Variants in ASB9 observed in about 807,000 individuals in gnomAD.
ASB9 encodes the protein ankyrin repeat and SOCS box containing 9, also known as ankyrin repeat and SOCS box protein 9.
In ASB9, 5 loss-of-function variants were observed where a neutral mutation model predicts 16.6. That is an observed-to-expected ratio of 0.30 (90% confidence interval 0.16 to 0.63). The LOEUF (loss-of-function observed/expected upper bound fraction) is 0.63, where lower values mean the gene tolerates loss of function less well. ASB9 is among the 30% of genes least tolerant of loss of function. ASB9 has a pLI of 0.82. For synonymous variants in ASB9, 100 were observed against 86.4 expected (o/e 1.16, Z -0.87); for missense variants, 216 against 229.4 (o/e 0.94, Z 0.38).
At chrX:15,256,286 T>C (rs759400024) in intron 2 of ASB9, among the ~76,000 whole-genome samples, 1 of 106,782 alleles carries the variant, frequency 9.4e-6, no homozygotes, top group East Asian at 3.0e-4. Context: ...CAACAGAGAC[T>C]GCATGGTTCG....
Position 15,269,878 on chromosome X carries a change from G to C in ASB9, c.-4C>G. On this transcript the variant is annotated 5_prime_UTR_variant, in exon 1 of 7. Coordinates refer to ENST00000380488, the MANE Select transcript of ASB9 (RefSeq NM_001031739.3). ...TGCCCCCTTGTTTGCCATCCATGATGCTCTCTCCTAAGCGAGCAAGCTCTG... is the reference window on the plus strand; with the variant it reads ...TGCCCCCTTGTTTGCCATCCATGATCCTCTCTCCTAAGCGAGCAAGCTCTG... The C allele has an allele frequency of 8.4e-7, 1 of 1,196,868 alleles. No individual in the cohort carries two copies. Among genetic ancestry groups the C allele is most frequent in the Non-Finnish European group, 1.1e-6 (1 of 885,928 alleles).
intron 2 of ASB9, among the ~76,000 whole-genome samples, chrX:15,256,350 C>T (rs1925536665): frequency 2.5e-5 from 2 of 79,582 alleles, no homozygotes; most frequent in Non-Finnish European, 4.5e-5. Flanking sequence ...CGATGTCTTG[C>T]TCTGTCGCCG....
chrX:15,245,308 T>C (rs888644909), intron 6 of ASB9, among the ~76,000 whole-genome samples: 1 of 110,947 alleles, frequency 9.0e-6, no homozygotes, highest in Non-Finnish European at 1.9e-5. Context: ...ACATTTTTGG[T>C]TGCCAAAACT....
At chrX:15,255,021 G>A (rs1925426964) in intron 2 of ASB9, among the ~76,000 whole-genome samples, 177 bp from the exon 3 acceptor site, 1 of 110,822 alleles carries the variant, frequency 9.0e-6, no homozygotes, top group Admixed American at 9.6e-5. Context: ...GTGGGAGTGT[G>A]GTATGGTATA....
chrX:15,261,762 G>A (rs1448628995), intron 1 of ASB9, among the ~76,000 whole-genome samples: 1 of 112,356 alleles, frequency 8.9e-6, no homozygotes, highest in East Asian at 2.8e-4. Context: ...AATATCTCTA[G>A]CTAGCTAGCT....
intron 1 of ASB9, among the ~76,000 whole-genome samples, chrX:15,267,482 C>T (rs866107527): frequency 1.8e-4 from 16 of 90,932 alleles, no homozygotes; most frequent in African/African-American, 6.3e-4. Context: ...TGGTGGCTCA[C>T]GCCTGTAATC....
At chrX:15,253,989 TTGTACC>T (rs1925341022) in intron 3 of ASB9, among the ~76,000 whole-genome samples, 1 of 111,852 alleles carries the variant, frequency 8.9e-6, no homozygotes, top group African/African-American at 3.3e-5. Context: ...TCTTTCAAGT[TTGTACC>T]CTAGGTGTCT....
At chrX:15,250,319 G>T (rs1030328947) in intron 5 of ASB9, 111 bp downstream of exon 5, 37 of 883,461 alleles carry the variant, frequency 4.2e-5, no homozygotes, top group Non-Finnish European at 4.7e-5. Context: ...CCCTGACCTT[G>T]TCCAACTCCA....
chrX:15,266,218 C>G (rs925931650), intron 1 of ASB9, among the ~76,000 whole-genome samples: 1 of 111,860 alleles, frequency 8.9e-6, no homozygotes, highest in African/African-American at 3.2e-5. Flanking sequence ...GGATTACAGG[C>G]GTGAGCCACC....
At chrX:15,270,106 A>ACACACG, upstream of ASB9, 2 of 292,758 alleles carry the variant, frequency 6.8e-6, no homozygotes, top group Non-Finnish European at 1.2e-5. Flanking sequence ...ACACACACAC[A>ACACACG]CACACGTTTT....
rs2147629048 is a variant in ASB9, at chrX:15,248,857, C to T, written c.647G>A (p.Cys216Tyr). The change falls in exon 6 of 7, where the codon TGC becomes TAC. Residue 216 changes from cysteine (C) to tyrosine (Y), a missense_variant. Transcript: ENST00000380488. ...GTCCGCTCCAAAATCCATGAGCAGG[C>T]AGGCCAGCTCTTCACTGGCTGTCCT... The part of the protein sequence containing the change: ...VARTASEELA[C>Y]LLMDFGADTQ... 3 of 1,211,320 alleles carry T rather than the reference C, an allele frequency of 2.5e-6. No individual in the cohort carries two copies. Among genetic ancestry groups the T allele is most frequent in the Non-Finnish European group, 3.4e-6 (3 of 895,080 alleles).
intron 1 of ASB9, among the ~76,000 whole-genome samples, chrX:15,267,466 CG>C (rs1474121664): frequency 6.5e-5 from 5 of 77,347 alleles, no homozygotes; most frequent in Non-Finnish European, 1.2e-4. Context: ...AAAAAGTGGC[CG>C]GGCGTGGTGG....
chrX:15,264,200 T>C (rs57843450), intron 1 of ASB9, among the ~76,000 whole-genome samples: 6,528 of 110,852 alleles, frequency 0.059, 495 homozygotes, highest in African/African-American at 0.2. Flanking sequence ...TTTCTAGATG[T>C]GTCACTCCTA....
At chrX:15,264,395 G>A (rs766400002) in intron 1 of ASB9, among the ~76,000 whole-genome samples, 1 of 111,552 alleles carries the variant, frequency 9.0e-6, no homozygotes, top group African/African-American at 3.3e-5. Flanking sequence ...TATTTTCAGG[G>A]TACACAATTT....
Position 15,244,406 on chromosome X carries a change from C to G in ASB9, c.*100G>C, listed in dbSNP as rs1010810603. Reference sequence around the variant, plus strand: ...ACAAATACAAATCTAATCGAAAAAACTAGTCAAACTCTATAAATCCAACTT... The same window carrying G: ...ACAAATACAAATCTAATCGAAAAAAGTAGTCAAACTCTATAAATCCAACTT... On this transcript the variant is annotated 3_prime_UTR_variant, in exon 7 of 7. Coordinates refer to ENST00000380488, the MANE Select transcript of ASB9 (RefSeq NM_001031739.3). 2.3e-5 allele frequency: 22 copies of G among 958,213 alleles called. No homozygotes were observed. In the Admixed American group the frequency reaches 6.2e-4, roughly 27 times the overall value. The allele number at this position is 958,213 out of a possible 1,213,427, so 79.0% of individuals were successfully genotyped here.
chrX:15,258,463 T>C (rs973129376), intron 2 of ASB9, among the ~76,000 whole-genome samples: 1 of 112,159 alleles, frequency 8.9e-6, no homozygotes, highest in Non-Finnish European at 1.9e-5. Context: ...TAGGATAGTA[T>C]GAAATTTTTC....
At chrX:15,259,783 G>A (rs780204067) in intron 1 of ASB9, among the ~76,000 whole-genome samples, 1 of 112,356 alleles carries the variant, frequency 8.9e-6, no homozygotes, top group African/African-American at 3.2e-5. Context: ...CATGTGATGG[G>A]TTGCAGTCAA....
At chrX:15,268,714 C>T (rs4363349) in intron 1 of ASB9, among the ~76,000 whole-genome samples, 4,277 of 107,681 alleles carry the variant, frequency 0.04, 188 homozygotes, top group East Asian at 0.23. Context: ...CACCGTGCCC[C>T]GCCTATATAT....
chrX:15,257,319 T>C lies in ASB9; in HGVS notation c.174+1547A>G, dbSNP rs779121327. ...AGCTACTCGGGAGGCTGAGGCAGAA[T>C]TGCTTCAACCCAGGAGGCGGAGGTT... is the stretch of plus-strand genomic sequence containing the variant. On this transcript the variant is annotated intron_variant, in intron 2 of 6. Transcript: ENST00000380488. Among the ~76,000 whole-genome samples the C allele has an allele frequency of 3.6e-5, 4 of 110,267 alleles. No individual in the cohort carries two copies. The Admixed American group carries it at 3.9e-4, about 11-fold the overall frequency.
Sources: gnomAD v4.1 joint callset for allele counts (sites outside exome capture counted in the v4.1 genomes callset) on GRCh38, gnomAD v4.1.1 for gene constraint, MANE v1.5 for transcripts, NCBI Gene and HGNC (gene_info 2026-07-23, HGNC 2026-07-21) for gene names.